The following DNHD1 variants were observed in gnomAD, a reference collection of about 807,000 sequenced individuals.
DNHD1 encodes dynein heavy chain domain-containing protein 1.
In DNHD1, 383 loss-of-function variants were observed where a neutral mutation model predicts 458.1. That is an observed-to-expected ratio of 0.84 (90% CI 0.77 to 0.91). DNHD1 has a LOEUF of 0.91. Among genes scored for constraint, DNHD1 ranks in the 40% least tolerant of loss-of-function variants. The pLI, the probability that DNHD1 is intolerant of heterozygous loss-of-function variation, is 0.00. For missense variants in DNHD1, 5,336 were observed against 5,866.1 expected (o/e 0.91, Z 2.95); for synonymous variants, 2,203 against 2,376.9 (o/e 0.93, Z 2.13).
At chr11:6,565,029 C>A (rs890097177) in intron 32 of DNHD1, among the ~76,000 whole-genome samples, 1 of 152,186 alleles carries the variant, frequency 6.6e-6, no homozygotes, top group Non-Finnish European at 1.5e-5. Flanking sequence ...TCTTCCACTT[C>A]CCTGGTCTAC....
chr11:6,512,211 C>CTTTTTTTTTTTTTTT (rs11287049), intron 7 of DNHD1, among the ~76,000 whole-genome samples: 40 of 91,622 alleles, frequency 4.4e-4, no homozygotes, highest in African/African-American at 8.4e-4. Flanking sequence ...CTTTTTCTTT[C>CTTTTTTTTTTTTTTT]TTTTTTTTTT....
At chr11:6,541,757 A>G (rs551656997) in intron 18 of DNHD1, among the ~76,000 whole-genome samples, 15 of 152,330 alleles carry the variant, frequency 9.8e-5, no homozygotes, top group African/African-American at 3.4e-4. Flanking sequence ...TCTGGTTTCA[A>G]TGTGGAGAAT....
At chr11:6,562,743 C>T (rs748444826) in intron 28 of DNHD1, among the ~76,000 whole-genome samples, 2 of 152,052 alleles carry the variant, frequency 1.3e-5, no homozygotes, top group Non-Finnish European at 2.9e-5. Context: ...GCATAGTCTT[C>T]GGGTGAAGCG....
chr11:6,559,226 C>A lies in DNHD1; in HGVS notation c.9462C>A (p.His3154Gln). ...ATCTGAGAATGCTGATTAAGGAGCA[C>A]GGTACCCATGCCAATCTGATCTTTG... is the stretch of plus-strand genomic sequence containing the variant. The part of the protein sequence containing the change: ...LENLRMLIKE[H>Q]GTHANLIFDL... Residue 3154 changes from histidine (H) to glutamine (Q), a missense_variant, in exon 28 of 43, where the codon CAC becomes CAA. Physicochemically the swap from His to Gln is conservative, Grantham distance 24. Around this residue, in one of 4 missense-constraint regions of DNHD1, gnomAD observed 3,932 missense variants for 4,365.6 expected, o/e 0.90. Transcript: ENST00000254579. 6.4e-7 allele frequency: 1 copy of A among 1,551,644 alleles called. No individual in the cohort carries two copies. The highest frequency in any genetic ancestry group is 8.7e-7 in the Non-Finnish European group (1 of 1,146,988).
At position 6,564,527 on chromosome 11, in the gene DNHD1, CAGCATACCACCAA is replaced by C. The variant is rs1853655786; in HGVS notation, c.10482_10494del (p.Ser3494ArgfsTer17). 1 of 1,551,588 alleles carries C rather than the reference CAGCATACCACCAA, an allele frequency of 6.4e-7. No individual in the cohort carries two copies. The highest frequency in any genetic ancestry group is 1.4e-5 in the African/African-American group (1 of 73,058). The stretch of plus-strand genomic sequence containing the variant: ...CACTGAAGCGGAAGCAAAAATCTGT[CAGCATACCACCAA>C]AGAACCCCCTGCTGGCTACACACTC... On this transcript the variant is annotated frameshift_variant, in exon 32 of 43. Coordinates refer to ENST00000254579, the MANE Select transcript of DNHD1 (RefSeq NM_144666.3). LOFTEE classifies it high-confidence loss of function.
chr11:6,544,018 C>A, intron 18 of DNHD1, 103 bp from the exon 19 acceptor site: 2 of 709,780 alleles, frequency 2.8e-6, no homozygotes, highest in Non-Finnish European at 4.3e-6. Context: ...GCATCAGGGT[C>A]TCTGTAACTG....
rs200942359 is a variant in DNHD1, at chr11:6,519,794, T to C, written c.1587T>C (p.Cys529=). The C allele has an allele frequency of 1.6e-5, 26 of 1,613,542 alleles. No individual in the cohort carries two copies. In the East Asian group the frequency reaches 5.6e-4, roughly 35 times the overall value. The change falls in exon 8 of 43, where the codon TGT becomes TGC. Residue 529 remains cysteine, a synonymous_variant. Coordinates refer to ENST00000254579, the MANE Select transcript of DNHD1 (RefSeq NM_144666.3). ...KFARLVDYMI[C]QSLISVLEEQ... ...CCCGCCTGGTTGACTACATGATTTG[T>C]CAGAGCCTCATTTCTGTCTTGGAAG...
rs1169078698 is a variant in DNHD1, at chr11:6,563,794, A to G, written c.9954A>G (p.Ala3318=). 1.9e-6 allele frequency: 3 copies of G among 1,551,578 alleles called. No individual in the cohort carries two copies. Among genetic ancestry groups the G allele is most frequent in the Non-Finnish European group, 2.6e-6 (3 of 1,147,006 alleles). Residue 3318 remains alanine (A), a synonymous_variant, in exon 31 of 43, where the codon GCA becomes GCG. Transcript: ENST00000254579. The part of the protein sequence containing the change: ...APGMDDAALR[A]VSRPAASLAA... ...GTATGGACGATGCAGCCCTGCGGGC[A>G]GTGAGCCGACCTGCAGCCAGCCTGG... is the stretch of plus-strand genomic sequence containing the variant.
chr11:6,542,686 A>G (rs1853121889), intron 18 of DNHD1, among the ~76,000 whole-genome samples: 1 of 152,228 alleles, frequency 6.6e-6, no homozygotes, highest in African/African-American at 2.4e-5. Context: ...CAAATGATGG[A>G]CTTGTTATAT....
At chr11:6,499,008 G>C in intron 3 of DNHD1, 47 bp downstream of exon 3, 1 of 1,523,198 alleles carries the variant, frequency 6.6e-7, no homozygotes, top group Non-Finnish European at 8.8e-7. Context: ...AGAAAAAGTT[G>C]CTGTTTTATG....
At chr11:6,519,046 G>A (rs1296430731) in intron 7 of DNHD1, among the ~76,000 whole-genome samples, 2 of 152,130 alleles carry the variant, frequency 1.3e-5, no homozygotes, top group East Asian at 1.9e-4. Context: ...AGCCTTTATA[G>A]GCTGAGGAAC....
rs375428748 is a variant in DNHD1, at chr11:6,546,733, T to C, written c.5794T>C (p.Leu1932=). The change falls in exon 21 of 43, where the codon TTG becomes CTG. Residue 1932 remains leucine, a synonymous_variant. Coordinates refer to ENST00000254579, the MANE Select transcript of DNHD1 (RefSeq NM_144666.3). ...GLHLHNLRGL[L]CALFPSASQV... ...CCACCTGCACAACCTCCGAGGGCTG[T>C]TGTGTGCGCTTTTCCCTAGCGCCAG... The C allele has an allele frequency of 6.4e-7, 1 of 1,551,756 alleles. No individual in the cohort carries two copies. Among genetic ancestry groups the C allele is most frequent in the Non-Finnish European group, 8.7e-7 (1 of 1,147,006 alleles).
At chr11:6,510,174 C>T (rs919740109) in intron 6 of DNHD1, among the ~76,000 whole-genome samples, 1 of 152,078 alleles carries the variant, frequency 6.6e-6, no homozygotes, top group Non-Finnish European at 1.5e-5. Flanking sequence ...ACCTCCTCCT[C>T]CTGGGTTCAA....
Position 6,564,742 on chromosome 11 carries a change from G to A in DNHD1, c.10694G>A (p.Trp3565Ter). 1 of 1,547,418 alleles carries A rather than the reference G, an allele frequency of 6.5e-7. No individual in the cohort carries two copies. The highest frequency in any genetic ancestry group is 8.7e-7 in the Non-Finnish European group (1 of 1,143,680). ...GACCCCAGCAACGAGGCCCTCATCT[G>A]GTTGGACCCGCTGCCTCTGGAAGAG... is the stretch of plus-strand genomic sequence containing the variant. ...LLDPSNEALI[W>*]LDPLPLEENR... Residue 3565 changes from tryptophan to a stop codon, truncating the protein, a stop_gained, in exon 32 of 43, where the codon TGG becomes TAG. Coordinates refer to ENST00000254579, the MANE Select transcript of DNHD1 (RefSeq NM_144666.3). LOFTEE classifies it high-confidence loss of function.
At position 6,562,893 on chromosome 11, in the gene DNHD1, T is replaced by A. The variant is rs968111676; in HGVS notation, c.9520-89T>A. The A allele has an allele frequency of 2.9e-5, 42 of 1,425,244 alleles. 1 individual carries two copies. In the Admixed American group the frequency reaches 1.0e-3, roughly 34 times the overall value. 88.3% of individuals were successfully genotyped at this position (1,425,244 alleles called of 1,614,324 possible). On this transcript the variant is annotated intron_variant, in intron 28 of 42. Transcript: ENST00000254579. ...CGTGGTCAGTCTTTCAAGTGAGGAG[T>A]GTGCTACAGTTCCAGGATCATAGGG... is the stretch of plus-strand genomic sequence containing the variant.
At chr11:6,547,767 C>T (rs1853255515) in intron 21 of DNHD1, 96 bp from the exon 22 acceptor site, 6 of 1,499,670 alleles carry the variant, frequency 4.0e-6, no homozygotes, top group Non-Finnish European at 5.4e-6. Context: ...GGATCTGGGC[C>T]AGGAGTGAAA....
chr11:6,558,448 G>A, intron 25 of DNHD1, 37 bp from the exon 26 acceptor site: 1 of 1,549,668 alleles, frequency 6.5e-7, no homozygotes, highest in Non-Finnish European at 8.7e-7. Flanking sequence ...GCAAGCAAAG[G>A]TAAAGGGGAG....
rs771081095 is a variant in DNHD1, at chr11:6,568,517, T to A, written c.12602T>A (p.Val4201Asp). 1 of 1,614,010 alleles carries A rather than the reference T, an allele frequency of 6.2e-7. No homozygotes were observed. The highest frequency in any genetic ancestry group is 8.5e-7 in the Non-Finnish European group (1 of 1,179,894). Reference protein sequence around the residue: ...DQPESRNVSTVHRDFRLWLIV... With the variant: ...DQPESRNVSTDHRDFRLWLIV... ...CCTGAAAGCAGGAATGTAAGCACTG[T>A]TCACAGAGATTTTCGTCTTTGGCTT... is the stretch of plus-strand genomic sequence containing the variant. Residue 4201 changes from valine to aspartate, a missense_variant, in exon 38 of 43, where the codon GTT becomes GAT. By Grantham distance (152) the Val-to-Asp change is radical. Around this residue, in one of 4 missense-constraint regions of DNHD1, gnomAD observed 695 missense variants for 804.2 expected, o/e 0.86. Transcript: ENST00000254579.
In DNHD1 at chr11:6,545,555, A is replaced by G. The variant is rs1429361272; in HGVS notation, c.4616A>G (p.His1539Arg). The G allele has an allele frequency of 2.6e-6, 4 of 1,551,870 alleles. No homozygotes were observed. Among genetic ancestry groups the G allele is most frequent in the Non-Finnish European group, 2.6e-6 (3 of 1,147,056 alleles). ...EWGTLAMVSM[H>R]MRKLEVLVNF... ...GGTACCCTGGCCATGGTCTCCATGC[A>G]TATGCGCAAGCTTGAGGTACTGGTG... Residue 1539 changes from histidine (H) to arginine (R), a missense_variant, in exon 21 of 43, where the codon CAT becomes CGT. Transcript: ENST00000254579. The surrounding 1 kb of genome is among the most constrained non-coding windows in gnomAD (Gnocchi z 4.9).
Sources: allele counts gnomAD v4.1 joint callset (sites outside exome capture counted in the v4.1 genomes callset), GRCh38; gene constraint gnomAD v4.1.1; regional missense constraint gnomAD v4.1.1; non-coding constraint Gnocchi (gnomAD v3.1); transcripts MANE v1.5; gene names NCBI Gene and HGNC (gene_info 2026-07-23, HGNC 2026-07-21).